VWA8: variants seen among roughly 807,000 people sequenced by gnomAD.
The protein encoded by VWA8 is von Willebrand factor A domain containing 8, also known as von Willebrand factor A domain-containing protein 8.
A neutral mutation model predicts 241.5 loss-of-function variants in VWA8; 221 were observed. That is an observed-to-expected ratio of 0.91 (90% CI 0.82 to 1.02). The LOEUF (loss-of-function observed/expected upper bound fraction) is 1.02, where lower values mean the gene tolerates loss of function less well. Among genes scored for constraint, VWA8 ranks in the 50% least tolerant of loss-of-function variants. The pLI is 0.00. For missense variants in VWA8, 2,322 were observed against 2,328.7 expected, an observed-to-expected ratio of 1.00 and a Z score of 0.06; for synonymous variants, 852 against 827.1, an observed-to-expected ratio of 1.03 and a Z score of -0.52.
At chr13:41,698,542 T>C (rs1310865767) in intron 29 of VWA8, among the ~76,000 whole-genome samples, 1 of 152,210 alleles carries the variant, frequency 6.6e-6, no homozygotes, top group Non-Finnish European at 1.5e-5. Context: ...TGGATCTCAC[T>C]GTATTCCCTT....
At chr13:41,721,753 G>A (rs572409555) in intron 24 of VWA8, among the ~76,000 whole-genome samples, 178 bp from the exon 25 acceptor site, 1 of 152,160 alleles carries the variant, frequency 6.6e-6, no homozygotes, top group South Asian at 2.1e-4. Context: ...AAAGAAAACT[G>A]GGTGATGGAT....
chr13:41,881,691 C>G (rs76358085), intron 9 of VWA8, among the ~76,000 whole-genome samples: 1 of 7,150 alleles, frequency 1.4e-4, no homozygotes, highest in Non-Finnish European at 3.2e-4. Context: ...CAGAGGCGCC[C>G]CTCACCTCCC....
chr13:41,926,351 T>C (rs570499700), intron 2 of VWA8: 36 of 574,254 alleles, frequency 6.3e-5, no homozygotes, highest in South Asian at 5.5e-4. Context: ...TCATCACATG[T>C]ATAAGAAGTT....
At chr13:41,667,970 T>A (rs985011008) in intron 37 of VWA8, among the ~76,000 whole-genome samples, 1 of 152,188 alleles carries the variant, frequency 6.6e-6, no homozygotes, top group Non-Finnish European at 1.5e-5. Context: ...TACTCTCTTG[T>A]AAGCTGTACT....
chr13:41,723,725 T>C (rs192788412), intron 24 of VWA8, among the ~76,000 whole-genome samples: 126 of 152,120 alleles, frequency 8.3e-4, no homozygotes, highest in Admixed American at 1.7e-3. Context: ...ATTAATCAGG[T>C]TTAAGAAAAA....
At chr13:41,808,172 A>T (rs1277988310) in intron 17 of VWA8, among the ~76,000 whole-genome samples, 5 of 152,150 alleles carry the variant, frequency 3.3e-5, no homozygotes, top group South Asian at 2.1e-4. Flanking sequence ...AAACTTTTTT[A>T]AAAAAACACT....
At chr13:41,796,880 A>G (rs1869726655) in intron 17 of VWA8, among the ~76,000 whole-genome samples, 1 of 151,606 alleles carries the variant, frequency 6.6e-6, no homozygotes, top group African/African-American at 2.4e-5. Flanking sequence ...TTTTCATTCT[A>G]ATTTCTTCTT....
intron 2 of VWA8, chr13:41,927,415 G>C: frequency 4.5e-6 from 2 of 444,190 alleles, no homozygotes; most frequent in Non-Finnish European, 9.2e-6. Flanking sequence ...ATCAAGGTCT[G>C]CAAGGGAATT....
At chr13:41,949,860 G>A (rs966319293) in intron 2 of VWA8, 76 bp downstream of exon 2, 13 of 885,084 alleles carry the variant, frequency 1.5e-5, no homozygotes, top group Admixed American at 2.7e-5. Flanking sequence ...ATTCTCTCTA[G>A]CTTTAAATAA....
chr13:41,958,089 A>C (rs1323119077), intron 1 of VWA8, among the ~76,000 whole-genome samples: 1 of 152,242 alleles, frequency 6.6e-6, no homozygotes, highest in Non-Finnish European at 1.5e-5. Context: ...AAGAGATATA[A>C]AGAATTTACA....
At position 41,675,216 on chromosome 13, in the gene VWA8, T is replaced by C; in HGVS notation, c.4408A>G (p.Arg1470Gly). The stretch of plus-strand genomic sequence containing the variant: ...AAGAACAAAGGTGAAATGGATTACC[T>C]GGGAATAGGGATATATCGGAGTTTC... ...SKKLRYIPIP[R>G]SESLSPYTTW... Residue 1470 changes from arginine (R) to glycine (G), a missense_variant and splice_region_variant, in exon 36 of 45, where the codon AGA becomes GGA. Transcript: ENST00000379310. 6.2e-7 allele frequency: 1 copy of C among 1,608,354 alleles called. No individual in the cohort carries two copies. The highest frequency in any genetic ancestry group is 8.5e-7 in the Non-Finnish European group (1 of 1,175,474).
intron 2 of VWA8, among the ~76,000 whole-genome samples, chr13:41,944,311 G>A (rs1008424061): frequency 4.0e-5 from 6 of 151,886 alleles, no homozygotes; most frequent in African/African-American, 1.5e-4. Flanking sequence ...TGTAAGAAAA[G>A]GGGTTAATTC....
chr13:41,717,193 T>C lies in VWA8; in HGVS notation c.3116+2398A>G, dbSNP rs531424558. ...ACTCTTTTTACAGAATTATTGTCAA[T>C]AGCTCCCCCTGCCTTTCTCAAAAAT... On this transcript the variant is annotated intron_variant, in intron 26 of 44. Transcript: ENST00000379310. 3.9e-5 allele frequency among the ~76,000 whole-genome samples: 6 copies of C among 152,040 alleles called. No individual in the cohort carries two copies. The East Asian group carries it at 1.2e-3, about 29-fold the overall frequency.
chr13:41,677,696 A>G (rs1259245893), intron 35 of VWA8, among the ~76,000 whole-genome samples: 1 of 151,938 alleles, frequency 6.6e-6, no homozygotes, highest in Non-Finnish European at 1.5e-5. Flanking sequence ...CCAACACAAA[A>G]CCCAAGCTTT....
rs1566466598 is a variant in VWA8 at position 41,811,227 on chromosome 13, G to A, written c.2061C>T (p.Ser687=). 2 of 1,601,786 alleles carry A rather than the reference G, an allele frequency of 1.2e-6. 1 individual carries two copies. The highest frequency in any genetic ancestry group is 3.3e-4 in the Middle Eastern group (2 of 6,004). ...LHSAVTKACL[S]RFLPSLARSA... is the part of the protein sequence containing the mutation. ...GCAGTGAGAAAGAATATGTTTACCT[G>A]GAAAGGCAGGCTTTAGTAACAGCAC... is the stretch of plus-strand genomic sequence containing the variant. Residue 687 remains serine, a splice_region_variant and synonymous_variant, in exon 17 of 45, where the codon TCC becomes TCT. Coordinates refer to ENST00000379310, the MANE Select transcript of VWA8 (RefSeq NM_015058.2).
intron 20 of VWA8, among the ~76,000 whole-genome samples, chr13:41,774,516 G>A (rs1260902811): frequency 6.6e-6 from 1 of 152,184 alleles, no homozygotes; most frequent in African/African-American, 2.4e-5. Context: ...TCTACGGTAT[G>A]CAAGGCATCA....
chr13:41,688,784 G>T (rs1386993592), intron 34 of VWA8, among the ~76,000 whole-genome samples: 1 of 152,034 alleles, frequency 6.6e-6, no homozygotes, highest in Non-Finnish European at 1.5e-5. Context: ...AGGACATACG[G>T]ACACAAAGAA....
rs547119790 is a variant in VWA8, at chr13:41,621,268, T to C, written c.4612-6184A>G. Among the ~76,000 whole-genome samples, 68 of 152,358 alleles carry C rather than the reference T, an allele frequency of 4.5e-4. 1 individual carries two copies. The highest frequency in any genetic ancestry group is 1.6e-3 in the African/African-American group (66 of 41,592). ...TTGTTCAACTGTGGGCTAATGTAAGTGCTCTGAGCATGTTTAAGATAGGCT... is the reference window on the plus strand; with the variant it reads ...TTGTTCAACTGTGGGCTAATGTAAGCGCTCTGAGCATGTTTAAGATAGGCT... On this transcript the variant is annotated intron_variant, in intron 37 of 44. Coordinates refer to ENST00000379310, the MANE Select transcript of VWA8 (RefSeq NM_015058.2).
At chr13:41,689,294 T>G (rs758241302) in intron 34 of VWA8, 60 bp downstream of exon 34, 1 of 1,540,090 alleles carries the variant, frequency 6.5e-7, no homozygotes. Context: ...GGCTTACAGA[T>G]TATAGGTCAA....
Sources: gnomAD v4.1 joint callset for allele counts (sites outside exome capture counted in the v4.1 genomes callset) on GRCh38, gnomAD v4.1.1 for gene constraint, MANE v1.5 for transcripts, NCBI Gene and HGNC (gene_info 2026-07-23, HGNC 2026-07-21) for gene names.